Variants in PMAIP1 observed in about 807,000 individuals in gnomAD.
The protein encoded by PMAIP1 is phorbol-12-myristate-13-acetate-induced protein 1.
Under a neutral mutation model 3.7 loss-of-function variants are expected in PMAIP1, and 3 were observed. That is an observed-to-expected ratio of 0.82 (90% CI 0.37 to 2.12). The LOEUF (loss-of-function observed/expected upper bound fraction) is 2.12. Among genes scored for constraint, PMAIP1 ranks in the 30% most tolerant of loss-of-function variants. PMAIP1 has a pLI of 0.06. For missense variants in PMAIP1, 77 were observed against 67.1 expected (o/e 1.15, Z -0.52); for synonymous variants, 29 against 26.2 (o/e 1.11, Z -0.32).
intron 1 of PMAIP1, among the ~76,000 whole-genome samples, chr18:59,902,339 A>G (rs1340863741): frequency 6.6e-6 from 1 of 152,238 alleles, no homozygotes; most frequent in East Asian, 1.9e-4. Context: ...CCAAAGAATG[A>G]TAATGCTACT....
At position 59,903,932 on chromosome 18, in the gene PMAIP1, A is replaced by G. The variant is rs1483085956; in HGVS notation, c.*1179A>G. On this transcript the variant is annotated 3_prime_UTR_variant, in exon 2 of 2. Transcript: ENST00000316660. ...TTATCTGGGCTATATACAGTCCTCAAATAAATAATGTCTTGATTTTATTTC... is the reference window on the plus strand; with the variant it reads ...TTATCTGGGCTATATACAGTCCTCAGATAAATAATGTCTTGATTTTATTTC... 2 of 151,300 alleles carry G rather than the reference A, an allele frequency of 1.3e-5. No individual in the cohort carries two copies. The highest frequency in any genetic ancestry group is 6.5e-5 in the Admixed American group (1 of 15,268). 9.4% of individuals were successfully genotyped at this position (151,300 alleles called of 1,614,324 possible).
rs1223660268 is a variant in PMAIP1, at chr18:59,900,144, C to T, written c.-34C>T. Reference sequence around the variant, plus strand: ...CCAGTTGGAGGCTGAGGTTCCCGGGCTCTGTAGCTGAGTGGGCGGCGGCAC... The same window carrying T: ...CCAGTTGGAGGCTGAGGTTCCCGGGTTCTGTAGCTGAGTGGGCGGCGGCAC... On this transcript the variant is annotated 5_prime_UTR_variant, in exon 1 of 2. Coordinates refer to ENST00000316660, the MANE Select transcript of PMAIP1 (RefSeq NM_021127.3). 1 of 1,549,722 alleles carries T rather than the reference C, an allele frequency of 6.5e-7. No homozygotes were observed. The highest frequency in any genetic ancestry group is 1.3e-5 in the African/African-American group (1 of 74,086).
At chr18:59,901,358 C>T (rs1389877241) in intron 1 of PMAIP1, among the ~76,000 whole-genome samples, 1 of 152,202 alleles carries the variant, frequency 6.6e-6, no homozygotes, top group African/African-American at 2.4e-5. Flanking sequence ...TTCAGGGCTT[C>T]CAGTGTCGGA....
intron 1 of PMAIP1, 166 bp downstream of exon 1, chr18:59,900,401 A>G (rs770110048): frequency 1.9e-5 from 29 of 1,549,732 alleles, no homozygotes; most frequent in African/African-American, 6.8e-5. Context: ...GGGCGCCTCC[A>G]GAAAGTTCTT....
At chr18:59,900,537 G>T (rs113061570) in intron 1 of PMAIP1, 20 of 1,550,070 alleles carry the variant, frequency 1.3e-5, no homozygotes, top group African/African-American at 4.1e-5. Context: ...TTTCCTCCTC[G>T]CCACTTGCCC....
At chr18:59,900,677 CCACAA>C in intron 1 of PMAIP1, 2 of 1,260,924 alleles carry the variant, frequency 1.6e-6, no homozygotes, top group Non-Finnish European at 2.2e-6. Flanking sequence ...AGAGACGGCC[CCACAA>C]GGGCCCCTGT....
intron 1 of PMAIP1, chr18:59,900,553 C>T (rs1241141184): frequency 3.9e-6 from 6 of 1,550,526 alleles, no homozygotes; most frequent in Non-Finnish European, 5.2e-6. Flanking sequence ...TGCCCTTCCC[C>T]GGGGCCACGA....
In PMAIP1 at chr18:59,903,215, C is replaced by T. The variant is rs1599210290; in HGVS notation, c.*462C>T. On this transcript the variant is annotated 3_prime_UTR_variant, in exon 2 of 2. Coordinates refer to ENST00000316660, the MANE Select transcript of PMAIP1 (RefSeq NM_021127.3). ...CCAACTCAGCACATTGTATATGATT[C>T]GGTTTATACATATTACCTTGTTATA... is the stretch of plus-strand genomic sequence containing the variant. 7.9e-6 allele frequency: 2 copies of T among 254,392 alleles called. No individual in the cohort carries two copies. Among genetic ancestry groups the T allele is most frequent in the East Asian group, 8.9e-5 (1 of 11,238 alleles). 15.8% of individuals were successfully genotyped at this position (254,392 alleles called of 1,614,324 possible).
At chr18:59,901,812 C>T (rs2055772688) in intron 1 of PMAIP1, among the ~76,000 whole-genome samples, 1 of 152,052 alleles carries the variant, frequency 6.6e-6, no homozygotes, top group African/African-American at 2.4e-5. Flanking sequence ...GTGTTAACTG[C>T]ACTTACTGAA....
At chr18:59,901,649 C>T (rs1381503008) in intron 1 of PMAIP1, among the ~76,000 whole-genome samples, 1 of 151,936 alleles carries the variant, frequency 6.6e-6, no homozygotes, top group Non-Finnish European at 1.5e-5. Flanking sequence ...TTTTCAGGGT[C>T]GATTTATAAA....
At chr18:59,900,960 A>C (rs933655259) in intron 1 of PMAIP1, among the ~76,000 whole-genome samples, 21 of 151,606 alleles carry the variant, frequency 1.4e-4, no homozygotes, top group African/African-American at 4.9e-4. Context: ...CGCCCCCCCC[A>C]CCTTTTAAGT....
rs1480200364 is a variant in PMAIP1 at position 59,903,155 on chromosome 18, TG to T, written c.*403del. 5.0e-6 allele frequency: 2 copies of T among 399,232 alleles called. No individual in the cohort carries two copies. The highest frequency in any genetic ancestry group is 9.1e-6 in the Non-Finnish European group (2 of 218,924). 24.7% of individuals were successfully genotyped at this position (399,232 alleles called of 1,614,324 possible). On this transcript the variant is annotated 3_prime_UTR_variant, in exon 2 of 2. Coordinates refer to ENST00000316660, the MANE Select transcript of PMAIP1 (RefSeq NM_021127.3). ...GGGGAGAAACAGTTCAGTGCATTGT[TG>T]TTGTTGCTGTTTTTGGTGTTTTGCT...
chr18:59,902,825 G>A lies in PMAIP1; in HGVS notation c.*72G>A, dbSNP rs567995177. Reference sequence around the variant, plus strand: ...CAGGAGGTGCACGTTTCATCAATTTGAAGAAAGACTGCATTGTAATTGAGA... The same window carrying A: ...CAGGAGGTGCACGTTTCATCAATTTAAAGAAAGACTGCATTGTAATTGAGA... On this transcript the variant is annotated 3_prime_UTR_variant, in exon 2 of 2. Transcript: ENST00000316660. The A allele has an allele frequency of 6.2e-7, 1 of 1,609,114 alleles. No individual in the cohort carries two copies. The highest frequency in any genetic ancestry group is 1.3e-5 in the African/African-American group (1 of 74,896).
chr18:59,900,955 C>T (rs1452360143), intron 1 of PMAIP1, among the ~76,000 whole-genome samples: 3 of 152,156 alleles, frequency 2.0e-5, no homozygotes, highest in Non-Finnish European at 2.9e-5. Flanking sequence ...TTATACGCCC[C>T]CCCCACCTTT....
At position 59,902,894 on chromosome 18, in the gene PMAIP1, T is replaced by C; in HGVS notation, c.*141T>C. ...CATGGGTGCCCTTGGAAACGGAAGA[T>C]GGAATACATCAAAGTGAATTTCTGT... is the stretch of plus-strand genomic sequence containing the variant. On this transcript the variant is annotated 3_prime_UTR_variant, in exon 2 of 2. Coordinates refer to ENST00000316660, the MANE Select transcript of PMAIP1 (RefSeq NM_021127.3). 1 of 1,335,910 alleles carries C rather than the reference T, an allele frequency of 7.5e-7. No individual in the cohort carries two copies. Among genetic ancestry groups the C allele is most frequent in the Non-Finnish European group, 1.1e-6 (1 of 950,158 alleles). The allele number at this position is 1,335,910 out of a possible 1,614,324, so 82.8% of individuals were successfully genotyped here.
chr18:59,900,794 A>G (rs2055760445), intron 1 of PMAIP1: 2 of 553,158 alleles, frequency 3.6e-6, no homozygotes, highest in Admixed American at 3.1e-5. Flanking sequence ...TCATTCATTC[A>G]TTCGCACTCC....
chr18:59,902,620 A>G (rs764424273), intron 1 of PMAIP1, 27 bp from the exon 2 acceptor site: 2 of 1,594,158 alleles, frequency 1.3e-6, no homozygotes, highest in South Asian at 2.2e-5. Context: ...ATCAATGTTC[A>G]TGTCCATGTT....
chr18:59,900,748 G>A lies in PMAIP1; in HGVS notation c.58+513G>A, dbSNP rs1342950174. 1.6e-5 allele frequency: 11 copies of A among 690,688 alleles called. 1 individual carries two copies. In the East Asian group the frequency reaches 3.0e-4, roughly 19 times the overall value. 42.8% of individuals were successfully genotyped at this position (690,688 alleles called of 1,614,324 possible). ...TAAATAATCGATATTGTGGGAGGTG[G>A]GGATAGGAGAATAGGAGTTAGTCCG... On this transcript the variant is annotated intron_variant, in intron 1 of 1. Coordinates refer to ENST00000316660, the MANE Select transcript of PMAIP1 (RefSeq NM_021127.3).
Position 59,902,822 on chromosome 18 carries a change from T to A in PMAIP1, c.*69T>A, listed in dbSNP as rs2055782678. 5.6e-6 allele frequency: 9 copies of A among 1,610,278 alleles called. No homozygotes were observed. Among genetic ancestry groups the A allele is most frequent in the Non-Finnish European group, 7.6e-6 (9 of 1,177,758 alleles). On this transcript the variant is annotated 3_prime_UTR_variant, in exon 2 of 2. Coordinates refer to ENST00000316660, the MANE Select transcript of PMAIP1 (RefSeq NM_021127.3). ...TCTCAGGAGGTGCACGTTTCATCAA[T>A]TTGAAGAAAGACTGCATTGTAATTG... is the stretch of plus-strand genomic sequence containing the variant.
Sources: gnomAD v4.1 joint callset for allele counts (sites outside exome capture counted in the v4.1 genomes callset) on GRCh38, gnomAD v4.1.1 for gene constraint, MANE v1.5 for transcripts, NCBI Gene and HGNC (gene_info 2026-07-23, HGNC 2026-07-21) for gene names.